The following DTWD2 variants were observed in gnomAD, a reference collection of about 807,000 sequenced individuals.
The protein encoded by DTWD2 is tRNA-uridine aminocarboxypropyltransferase 2.
Under a neutral mutation model 31.8 loss-of-function variants are expected in DTWD2, and 39 were observed. The ratio of observed to expected loss-of-function variants is 1.22; its 90% CI spans 0.95 to 1.60. The LOEUF is 1.60. Ranked by LOEUF, DTWD2 falls within the 40% of genes most tolerant of loss-of-function variation. The pLI, the probability that DTWD2 is intolerant of heterozygous loss-of-function variation, is 0.00. For missense variants in DTWD2, 515 were observed against 381.5 expected, an observed-to-expected ratio of 1.35 and a Z score of -2.92; for synonymous variants, 180 against 142.8, an observed-to-expected ratio of 1.26 and a Z score of -1.86.
intron 4 of DTWD2, among the ~76,000 whole-genome samples, chr5:118,850,650 G>T (rs1561425432): frequency 6.6e-6 from 1 of 152,022 alleles, no homozygotes; most frequent in Admixed American, 6.6e-5. Flanking sequence ...TGCTACAAAA[G>T]CAAGAGTTGG....
intron 4 of DTWD2, among the ~76,000 whole-genome samples, chr5:118,889,084 G>T (rs1464733485): frequency 1.3e-5 from 2 of 152,134 alleles, no homozygotes; most frequent in Admixed American, 1.3e-4. Context: ...GTCTTTCGAA[G>T]AGATTTTTAA....
intron 1 of DTWD2, among the ~76,000 whole-genome samples, chr5:118,952,513 C>G (rs1417580893): frequency 6.6e-6 from 1 of 151,982 alleles, no homozygotes; most frequent in African/African-American, 2.4e-5. Flanking sequence ...AGCGTCTGAG[C>G]CGGGAGAAGG....
intron 4 of DTWD2, among the ~76,000 whole-genome samples, chr5:118,862,923 G>A (rs965578009): frequency 5.9e-5 from 9 of 152,202 alleles, no homozygotes; most frequent in Non-Finnish European, 8.8e-5. Context: ...TAAAAGGAGA[G>A]AGAGATGTTG....
intron 4 of DTWD2, among the ~76,000 whole-genome samples, chr5:118,854,384 A>T (rs1752082919): frequency 6.6e-6 from 1 of 152,070 alleles, no homozygotes. Context: ...AATTTCTCTT[A>T]GGATACAGGA....
intron 4 of DTWD2, among the ~76,000 whole-genome samples, chr5:118,890,786 G>T (rs558949132): frequency 6.6e-6 from 1 of 152,126 alleles, no homozygotes; most frequent in Admixed American, 6.5e-5. Flanking sequence ...GGCCAGGATG[G>T]TCTCGATCTC....
chr5:118,943,452 G>A (rs1263880020), intron 2 of DTWD2, among the ~76,000 whole-genome samples: 3 of 151,888 alleles, frequency 2.0e-5, no homozygotes, highest in South Asian at 2.1e-4. Flanking sequence ...TCGGGAGGCC[G>A]AGGCAGGAGA....
chr5:118,955,421 G>A (rs1217562981), intron 1 of DTWD2, among the ~76,000 whole-genome samples: 1 of 152,170 alleles, frequency 6.6e-6, no homozygotes. Flanking sequence ...AAACTAGTGG[G>A]TAAGTGCAGA....
At chr5:118,842,515 G>C (rs569811977) in intron 5 of DTWD2, among the ~76,000 whole-genome samples, 19 of 152,230 alleles carry the variant, frequency 1.2e-4, no homozygotes, top group African/African-American at 4.3e-4. Context: ...ACTTGTCCCT[G>C]AATTCTTTTT....
At chr5:118,981,516 A>G (rs1755300260) in intron 1 of DTWD2, among the ~76,000 whole-genome samples, 1 of 150,584 alleles carries the variant, frequency 6.6e-6, no homozygotes, top group Non-Finnish European at 1.5e-5. Context: ...TGAAAAATGA[A>G]AAACAAGCAA....
At chr5:118,851,112 T>C (rs1190041398) in intron 4 of DTWD2, among the ~76,000 whole-genome samples, 1 of 149,306 alleles carries the variant, frequency 6.7e-6, no homozygotes. Context: ...CTGGGCATGG[T>C]GGTACACATC....
intron 1 of DTWD2, among the ~76,000 whole-genome samples, chr5:118,957,688 T>C (rs1754617373): frequency 6.6e-6 from 1 of 152,214 alleles, no homozygotes; most frequent in South Asian, 2.1e-4. Context: ...TAAATGTCTT[T>C]AGATGAGAGT....
chr5:118,984,019 G>A lies in DTWD2; in HGVS notation c.218+4275C>T, dbSNP rs528222218. Among the ~76,000 whole-genome samples the A allele has an allele frequency of 4.6e-5, 7 of 152,324 alleles. No homozygotes were observed. The South Asian group carries it at 1.4e-3, about 32-fold the overall frequency. ...TACAAAACCTAGGCTGGGCGCAGTG[G>A]CTCACGCCTGTAATCCCAGCACTTT... On this transcript the variant is annotated intron_variant, in intron 1 of 5. Coordinates refer to ENST00000510708, the MANE Select transcript of DTWD2 (RefSeq NM_173666.4).
At chr5:118,957,365 G>T (rs1190018292) in intron 1 of DTWD2, among the ~76,000 whole-genome samples, 1 of 151,998 alleles carries the variant, frequency 6.6e-6, no homozygotes, top group Non-Finnish European at 1.5e-5. Context: ...GGGATTACAG[G>T]GGCGCGCCAC....
chr5:118,910,213 T>G lies in DTWD2; in HGVS notation c.597+18324A>C, dbSNP rs1452247330. Among the ~76,000 whole-genome samples, 56 of 152,234 alleles carry G rather than the reference T, an allele frequency of 3.7e-4. 1 individual carries two copies. Among genetic ancestry groups the G allele is most frequent in the Admixed American group, 3.7e-3 (56 of 15,290 alleles). On this transcript the variant is annotated intron_variant, in intron 4 of 5. Coordinates refer to ENST00000510708, the MANE Select transcript of DTWD2 (RefSeq NM_173666.4). The stretch of plus-strand genomic sequence containing the variant: ...ATAAATTCCATCTTTAATTTGTTTC[T>G]TTTTGCATTTTACTATAAGCATTTA...
At chr5:118,844,699 T>C (rs1751806523) in intron 5 of DTWD2, among the ~76,000 whole-genome samples, 1 of 152,222 alleles carries the variant, frequency 6.6e-6, no homozygotes, top group South Asian at 2.1e-4. Context: ...TGTGCTACTT[T>C]CATGTAGCCA....
chr5:118,949,215 T>A lies in DTWD2; in HGVS notation c.219-4566A>T, dbSNP rs369592691. Among the ~76,000 whole-genome samples, 3 of 152,188 alleles carry A rather than the reference T, an allele frequency of 2.0e-5. No homozygotes were observed. In the East Asian group the frequency reaches 5.8e-4, roughly 29 times the overall value. On this transcript the variant is annotated intron_variant, in intron 1 of 5. Coordinates refer to ENST00000510708, the MANE Select transcript of DTWD2 (RefSeq NM_173666.4). ...AGCAGATGGATGGAAAGAAAGTAAA[T>A]CATGAGAAACGGCTTGACTGAAGTA...
At chr5:118,974,646 T>A (rs760983465) in intron 1 of DTWD2, 2 of 508,496 alleles carry the variant, frequency 3.9e-6, no homozygotes, top group Non-Finnish European at 7.9e-6. Flanking sequence ...CTATAAGTAG[T>A]TGGTTTGTAT....
rs142887415 is a variant in DTWD2, at chr5:118,926,442, C to T, written c.597+2095G>A. Among the ~76,000 whole-genome samples the T allele has an allele frequency of 1.1e-3, 166 of 152,196 alleles. 3 individuals are homozygous for T. The highest frequency in any genetic ancestry group is 3.9e-3 in the African/African-American group (160 of 41,532). On this transcript the variant is annotated intron_variant, in intron 4 of 5. Coordinates refer to ENST00000510708, the MANE Select transcript of DTWD2 (RefSeq NM_173666.4). ...AACACTAAATATTCGGTACAGTGTA[C>T]ACTGCTCAGGTGACGGGTGCACTAA...
chr5:118,873,240 C>A (rs1305171714), intron 4 of DTWD2, among the ~76,000 whole-genome samples: 1 of 152,164 alleles, frequency 6.6e-6, no homozygotes, highest in South Asian at 2.1e-4. Flanking sequence ...GCTCAACTTG[C>A]TCCCATAAGA....
Sources: gnomAD v4.1 joint callset for allele counts (sites outside exome capture counted in the v4.1 genomes callset) on GRCh38, gnomAD v4.1.1 for gene constraint, MANE v1.5 for transcripts, NCBI Gene and HGNC (gene_info 2026-07-23, HGNC 2026-07-21) for gene names.